GABRG3: variants seen among roughly 807,000 people sequenced by gnomAD.
GABRG3 encodes the protein gamma-aminobutyric acid receptor subunit gamma-3.
Under a neutral mutation model 48.8 loss-of-function variants are expected in GABRG3, and 25 were observed. That is an observed-to-expected ratio of 0.51 (90% CI 0.37 to 0.72). GABRG3 has a LOEUF of 0.72. Among genes scored for constraint, GABRG3 ranks in the 30% least tolerant of loss-of-function variants. The pLI is 0.00. For synonymous variants in GABRG3, 227 were observed against 217.6 expected, an observed-to-expected ratio of 1.04 and a Z score of -0.38; for missense variants, 394 against 577.9, an observed-to-expected ratio of 0.68 and a Z score of 3.26.
chr15:27,343,477 A>G (rs535620158), intron 5 of GABRG3, among the ~76,000 whole-genome samples: 35 of 152,288 alleles, frequency 2.3e-4, no homozygotes, highest in Middle Eastern at 3.4e-3. Flanking sequence ...CAATATTTTC[A>G]AAAAAGTTTG....
At chr15:27,403,935 A>C (rs1328521440) in intron 5 of GABRG3, among the ~76,000 whole-genome samples, 37 of 135,036 alleles carry the variant, frequency 2.7e-4, no homozygotes, top group African/African-American at 9.1e-4. Flanking sequence ...AAAACAAAAA[A>C]AAAAAACCGG....
chr15:27,020,783 ACT>A (rs1371569625), intron 2 of GABRG3, among the ~76,000 whole-genome samples: 5 of 151,784 alleles, frequency 3.3e-5, no homozygotes, highest in Non-Finnish European at 7.4e-5. Context: ...TCGCGATGTC[ACT>A]CTCTACTTTT....
In GABRG3 at chr15:27,147,834, AAATAG is replaced by A. The variant is rs370313955; in HGVS notation, c.270+121015_270+121019del. On this transcript the variant is annotated intron_variant, in intron 3 of 9. Transcript: ENST00000615808. ...AGATGCTGCAACAGCAGTGCTTCATAAATAGATAGCTGCAGTTGACTATTTTTAAA... is the reference window on the plus strand; with the variant it reads ...AGATGCTGCAACAGCAGTGCTTCATAATAGCTGCAGTTGACTATTTTTAAA... 3.2e-3 allele frequency among the ~76,000 whole-genome samples: 486 copies of A among 152,166 alleles called. 2 individuals are homozygous for A. Among genetic ancestry groups the A allele is most frequent in the African/African-American group, 0.011 (470 of 41,564 alleles).
intron 2 of GABRG3, among the ~76,000 whole-genome samples, chr15:27,002,760 A>AAGAAAG (rs1555397358): frequency 7.9e-6 from 1 of 125,930 alleles, no homozygotes; most frequent in Non-Finnish European, 1.6e-5. Context: ...AAAAAAAAAA[A>AAGAAAG]AAAGGAAGGA....
At chr15:27,430,354 T>G (rs915967008) in intron 5 of GABRG3, among the ~76,000 whole-genome samples, 29 of 152,234 alleles carry the variant, frequency 1.9e-4, no homozygotes, top group African/African-American at 4.1e-4. Context: ...GTGTGTTGAC[T>G]TTCCACTTAC....
intron 3 of GABRG3, among the ~76,000 whole-genome samples, chr15:27,197,091 A>T (rs1040765925): frequency 1.3e-5 from 2 of 152,174 alleles, no homozygotes; most frequent in African/African-American, 4.8e-5. Flanking sequence ...CCTCCCAGAT[A>T]TCTACAGATA....
chr15:27,388,349 A>G lies in GABRG3; in HGVS notation c.574+59461A>G, dbSNP rs1405646244. Among the ~76,000 whole-genome samples, 3 of 60,646 alleles carry G rather than the reference A, an allele frequency of 4.9e-5. 1 individual carries two copies. The highest frequency in any genetic ancestry group is 9.9e-5 in the Non-Finnish European group (3 of 30,420). The allele number at this position is 60,646 out of a possible 152,430, so 39.8% of individuals were successfully genotyped here. A position where few individuals can be genotyped will look rare whatever the true frequency, so the allele number is the denominator to read the frequency against. ...AAGGAAGGAAGGAAAGGTGGGAGGGAGGGTAAGGAAGGAAGGAAGAAAGGA... is the reference window on the plus strand; with the variant it reads ...AAGGAAGGAAGGAAAGGTGGGAGGGGGGGTAAGGAAGGAAGGAAGAAAGGA... On this transcript the variant is annotated intron_variant, in intron 5 of 9. Transcript: ENST00000615808.
chr15:27,079,389 G>C (rs993933793), intron 3 of GABRG3, among the ~76,000 whole-genome samples: 2 of 152,134 alleles, frequency 1.3e-5, no homozygotes, highest in African/African-American at 4.8e-5. Flanking sequence ...AGGATTTAAA[G>C]GACAACAGGA....
At chr15:26,988,034 C>T (rs569761143) in intron 2 of GABRG3, among the ~76,000 whole-genome samples, 82 of 152,284 alleles carry the variant, frequency 5.4e-4, no homozygotes, top group African/African-American at 1.9e-3. Flanking sequence ...CTCTGAATAA[C>T]ATAAATCCTT....
rs576630318 is a variant in GABRG3, at chr15:27,119,007, C to T, written c.270+92186C>T. Reference sequence around the variant, plus strand: ...ACAGACATTCTCCTACCATTCTTCCCTGAAGCAGGCCATAAAATAATTGTC... The same window carrying T: ...ACAGACATTCTCCTACCATTCTTCCTTGAAGCAGGCCATAAAATAATTGTC... On this transcript the variant is annotated intron_variant, in intron 3 of 9. Coordinates refer to ENST00000615808, the MANE Select transcript of GABRG3 (RefSeq NM_033223.5). Among the ~76,000 whole-genome samples the T allele has an allele frequency of 4.6e-5, 7 of 152,322 alleles. No individual in the cohort carries two copies. The South Asian group carries it at 1.4e-3, about 32-fold the overall frequency.
chr15:27,140,690 TC>T (rs1287231607), intron 3 of GABRG3, among the ~76,000 whole-genome samples: 1 of 152,198 alleles, frequency 6.6e-6, no homozygotes, highest in Non-Finnish European at 1.5e-5. Context: ...AGACTTATTT[TC>T]TTGTTCTCTG....
intron 3 of GABRG3, among the ~76,000 whole-genome samples, chr15:27,304,447 A>G (rs903992331): frequency 1.3e-5 from 2 of 151,992 alleles, no homozygotes; most frequent in Non-Finnish European, 2.9e-5. Flanking sequence ...TGTGAAGGTC[A>G]TAAGTTCAAA....
chr15:27,100,370 A>G (rs773305718), intron 3 of GABRG3, among the ~76,000 whole-genome samples: 1 of 152,222 alleles, frequency 6.6e-6, no homozygotes, highest in Non-Finnish European at 1.5e-5. Flanking sequence ...TGAGTTTTAT[A>G]TGGTGTAACT....
chr15:27,504,024 T>C (rs1035389446), intron 6 of GABRG3, among the ~76,000 whole-genome samples: 1 of 152,178 alleles, frequency 6.6e-6, no homozygotes, highest in African/African-American at 2.4e-5. Flanking sequence ...AGTAAAACTT[T>C]TATTTAATCC....
intron 3 of GABRG3, among the ~76,000 whole-genome samples, chr15:27,049,613 T>A (rs1896422683): frequency 6.6e-6 from 1 of 152,166 alleles, no homozygotes; most frequent in Non-Finnish European, 1.5e-5. Context: ...GTACTGAACA[T>A]GACACTTTTC....
intron 3 of GABRG3, among the ~76,000 whole-genome samples, chr15:27,174,736 C>T (rs1457162919): frequency 6.6e-6 from 1 of 152,168 alleles, no homozygotes; most frequent in Non-Finnish European, 1.5e-5. Flanking sequence ...CTTTGGCTAA[C>T]GGAAGCCCCT....
chr15:27,217,075 A>G (rs1010401794), intron 3 of GABRG3, among the ~76,000 whole-genome samples: 5 of 149,366 alleles, frequency 3.3e-5, no homozygotes, highest in African/African-American at 1.2e-4. Context: ...ATGGTTTCCA[A>G]TTTCATCCAC....
chr15:27,279,253 A>C (rs1250306284), intron 3 of GABRG3, among the ~76,000 whole-genome samples: 2 of 152,182 alleles, frequency 1.3e-5, no homozygotes, highest in Admixed American at 6.5e-5. Context: ...GAGAGCAAAG[A>C]TTTTAAATTT....
At chr15:27,348,155 C>CAAAAAAACAAAAAAAAAAAAAA (rs535295684) in intron 5 of GABRG3, among the ~76,000 whole-genome samples, 1 of 102,990 alleles carries the variant, frequency 9.7e-6, no homozygotes, top group African/African-American at 4.6e-5. Context: ...GACTCCATCT[C>CAAAAAAACAAAAAAAAAAAAAA]AAATAAATAA....
Sources: allele counts gnomAD v4.1 joint callset (sites outside exome capture counted in the v4.1 genomes callset), GRCh38; gene constraint gnomAD v4.1.1; transcripts MANE v1.5; gene names NCBI Gene and HGNC (gene_info 2026-07-23, HGNC 2026-07-21).